The following MTCL1 variants were observed in gnomAD, a reference collection of about 807,000 sequenced individuals.
MTCL1 encodes microtubule cross-linking factor 1.
MTCL1 carries 79 observed loss-of-function variants against 141.4 expected under a neutral mutation model. The ratio of observed to expected loss-of-function variants is 0.56; its 90% confidence interval spans 0.47 to 0.67. MTCL1 has a LOEUF of 0.67. MTCL1 is among the 30% of genes least tolerant of loss of function. MTCL1 has a pLI of 0.00. For missense variants in MTCL1, 2,177 were observed against 2,113.9 expected (o/e 1.03, Z -0.59); for synonymous variants, 914 against 875.8 (o/e 1.04, Z -0.77).
chr18:8,766,566 A>G (rs1474760360), intron 4 of MTCL1, among the ~76,000 whole-genome samples: 2 of 152,240 alleles, frequency 1.3e-5, no homozygotes, highest in Admixed American at 1.3e-4. Flanking sequence ...AATATAATAT[A>G]CTAGCAGAGA....
At chr18:8,793,188 C>T (rs556925337) in intron 8 of MTCL1, 68 bp downstream of exon 7, 99 of 1,587,510 alleles carry the variant, frequency 6.2e-5, no homozygotes, top group African/African-American at 5.9e-4. Context: ...AGAAATGCCA[C>T]GATACATTTT....
intron 4 of MTCL1, among the ~76,000 whole-genome samples, chr18:8,751,859 T>C (rs1363221361): frequency 6.6e-6 from 1 of 152,210 alleles, no homozygotes; most frequent in Non-Finnish European, 1.5e-5. Flanking sequence ...TTCATTGACC[T>C]GCACACGAGG....
exon 6 of MTCL1, chr18:8,784,265 A>G (rs2096542799): frequency 2.5e-6 from 4 of 1,599,746 alleles, no homozygotes; most frequent in Non-Finnish European, 2.6e-6. Context: ...TCCCCGGGAC[A>G]GCGATGCCGA....
chr18:8,823,176 A>ACAT (rs2144430212), intron 14 of MTCL1, among the ~76,000 whole-genome samples: 1 of 152,222 alleles, frequency 6.6e-6, no homozygotes, highest in South Asian at 2.1e-4. Context: ...AAGCGCCTAC[A>ACAT]CATGCTCCAG....
chr18:8,718,030 G>T (rs2096141259), intron 2 of MTCL1: 3 of 978,074 alleles, frequency 3.1e-6, no homozygotes, highest in South Asian at 4.1e-5. Context: ...TGAAGGCAGG[G>T]TCCGTATGAT....
chr18:8,717,831 C>T, intron 1 of MTCL1: 1 of 924,004 alleles, frequency 1.1e-6, no homozygotes, highest in Non-Finnish European at 1.3e-6. Flanking sequence ...GTGGGAAAGT[C>T]AGAATAGGTG....
upstream of MTCL1, among the ~76,000 whole-genome samples, chr18:8,715,075 C>T (rs1462144768): frequency 1.3e-5 from 2 of 152,192 alleles, no homozygotes; most frequent in Non-Finnish European, 2.9e-5. Context: ...GGATTACAGG[C>T]GTGAGCCACC....
rs374689110 is a variant in MTCL1, at chr18:8,799,568, A to G, written c.2436+1277A>G. ...TAATCTAGTTAGAAATGAAAATGCT[A>G]CTTTGCAAATAATGCTTTACAATCT... On this transcript the variant is annotated intron_variant, in intron 10 of 16. Transcript: ENST00000359865. 7.9e-5 allele frequency among the ~76,000 whole-genome samples: 12 copies of G among 152,370 alleles called. No homozygotes were observed. In the East Asian group the frequency reaches 2.1e-3, roughly 27 times the overall value.
intron 4 of MTCL1, among the ~76,000 whole-genome samples, chr18:8,759,051 G>A (rs554429495): frequency 5.9e-5 from 9 of 152,314 alleles, no homozygotes; most frequent in East Asian, 3.9e-4. Flanking sequence ...GGAGGAAAAC[G>A]GGGATGTTGT....
At chr18:8,776,769 ATTTT>A (rs1297320826) in intron 4 of MTCL1, among the ~76,000 whole-genome samples, 1 of 111,024 alleles carries the variant, frequency 9.0e-6, no homozygotes, top group Non-Finnish European at 2.0e-5. Flanking sequence ...TTATTTATTT[ATTTT>A]GAGACAAGGT....
chr18:8,797,806 C>T (rs1473827519), intron 9 of MTCL1, among the ~76,000 whole-genome samples: 1 of 152,150 alleles, frequency 6.6e-6, no homozygotes, highest in African/African-American at 2.4e-5. Flanking sequence ...TCTGGAGTTC[C>T]TCCTCCTTTA....
At chr18:8,823,047 T>G (rs190915722) in intron 14 of MTCL1, among the ~76,000 whole-genome samples, 1 of 151,190 alleles carries the variant, frequency 6.6e-6, no homozygotes, top group Non-Finnish European at 1.5e-5. Flanking sequence ...GATAGATAGA[T>G]AGATAGATAG....
At chr18:8,772,336 A>C (rs752771293) in intron 4 of MTCL1, among the ~76,000 whole-genome samples, 1 of 152,218 alleles carries the variant, frequency 6.6e-6, no homozygotes, top group Non-Finnish European at 1.5e-5. Flanking sequence ...ACTTCCATTG[A>C]ATTGTCATTG....
At chr18:8,720,846 C>G (rs563801045) in intron 4 of MTCL1, among the ~76,000 whole-genome samples, 72 of 150,848 alleles carry the variant, frequency 4.8e-4, no homozygotes, top group African/African-American at 1.7e-3. Flanking sequence ...GATGAGCTGA[C>G]CATTAATTCC....
chr18:8,736,647 T>C (rs894483272), intron 4 of MTCL1, among the ~76,000 whole-genome samples: 55 of 150,226 alleles, frequency 3.7e-4, no homozygotes, highest in Non-Finnish European at 7.0e-4. Flanking sequence ...TTTTTTTTTT[T>C]TTTTTTTTGA....
Position 8,822,273 on chromosome 18 carries a change from G to A in MTCL1, c.3188+775G>A, listed in dbSNP as rs2076869547. ...AGAGCTCAGGCTCTAGAGCCAAACT[G>A]CCTGGGTTGGTTGGTTGGTTGGTTG... On this transcript the variant is annotated intron_variant, in intron 14 of 16. Coordinates refer to ENST00000359865, the Ensembl canonical transcript of MTCL1. This position sits in a 1 kb window ranked among gnomAD's most constrained non-coding sequence, Gnocchi z 4.6. Among the ~76,000 whole-genome samples, 1 of 150,190 alleles carries A rather than the reference G, an allele frequency of 6.7e-6. No homozygotes were observed. The highest frequency in any genetic ancestry group is 6.6e-5 in the Admixed American group (1 of 15,142).
exon 1 of MTCL1, chr18:8,706,111 G>A (rs1439350544): frequency 4.1e-6 from 5 of 1,210,472 alleles, no homozygotes; most frequent in Non-Finnish European, 5.1e-6. Context: ...TCCCGGAGCC[G>A]AGCCGCCGTC....
At chr18:8,720,177 TCTC>T (rs1469686501) in intron 3 of MTCL1, 158 bp from the exon 3 acceptor site, 4 of 647,792 alleles carry the variant, frequency 6.2e-6, no homozygotes, top group South Asian at 2.3e-5. Flanking sequence ...TTTAAATGAA[TCTC>T]CTCCTCCTTT....
intron 4 of MTCL1, among the ~76,000 whole-genome samples, chr18:8,720,874 G>A (rs1040010964): frequency 1.1e-4 from 17 of 150,758 alleles, no homozygotes; most frequent in African/African-American, 3.6e-4. Context: ...TGTCCAAGTG[G>A]AGCCTATTAT....
Sources: gnomAD v4.1 joint callset for allele counts (sites outside exome capture counted in the v4.1 genomes callset) on GRCh38, gnomAD v4.1.1 for gene constraint, Gnocchi (gnomAD v3.1) non-coding constraint, MANE v1.5 for transcripts, NCBI Gene and HGNC (gene_info 2026-07-23, HGNC 2026-07-21) for gene names.